ZNF600: variants seen among roughly 807,000 people sequenced by gnomAD.
ZNF600 encodes the protein zinc finger protein 600, also known as zinc finger protein KR-ZNF1.
In ZNF600, 4 loss-of-function variants were observed where a neutral mutation model predicts 7.3. That is an observed-to-expected ratio of 0.55 (90% CI 0.27 to 1.25). ZNF600 has a LOEUF of 1.25. Among genes scored for constraint, ZNF600 ranks in the 50% most tolerant of loss-of-function variants. The probability of loss-of-function intolerance (pLI) is 0.12; values close to 1 mark genes in which losing one functional copy is unlikely to be tolerated. For synonymous variants in ZNF600, 290 were observed against 308.9 expected (o/e 0.94, Z 0.64); for missense variants, 911 against 922.1 (o/e 0.99, Z 0.16).
exon 4 of ZNF600, chr19:52,767,192 T>C (rs760416496): frequency 9.3e-6 from 15 of 1,614,046 alleles, no homozygotes; most frequent in East Asian, 2.2e-5. Flanking sequence ...ATTTATATTG[T>C]TTGTCTCCTA....
At chr19:52,782,933 G>C (rs10419659) in intron 1 of ZNF600, among the ~76,000 whole-genome samples, 4,064 of 110,804 alleles carry the variant, frequency 0.037, 106 homozygotes, top group African/African-American at 0.086. Context: ...CTAATGAAGA[G>C]AGGAACTAGA....
At chr19:52,804,496 A>G in the ZNF600 span, among the ~76,000 whole-genome samples, 1 of 151,508 alleles carries the variant, frequency 6.6e-6, no homozygotes, top group Non-Finnish European at 1.5e-5. Context: ...TCAACCTCCC[A>G]AGTAGCTGGG....
At chr19:52,790,561 C>G (rs946856296), upstream of ZNF600, among the ~76,000 whole-genome samples, 4 of 152,056 alleles carry the variant, frequency 2.6e-5, no homozygotes, top group Non-Finnish European at 5.9e-5. Flanking sequence ...ATCTTTCAAG[C>G]TCTTTGGGAG....
upstream of ZNF600, among the ~76,000 whole-genome samples, chr19:52,788,469 T>C (rs1950690036): frequency 6.6e-6 from 1 of 152,144 alleles, no homozygotes; most frequent in Admixed American, 6.5e-5. Context: ...CACTCCCTCC[T>C]TTCCTGTGAC....
the ZNF600 span, among the ~76,000 whole-genome samples, chr19:52,830,371 C>A: frequency 6.6e-6 from 1 of 152,086 alleles, no homozygotes; most frequent in East Asian, 1.9e-4. Flanking sequence ...ACGTACATGA[C>A]CCCAATTTGC....
the ZNF600 span, chr19:52,801,287 G>A: frequency 3.7e-6 from 6 of 1,614,074 alleles, no homozygotes; most frequent in South Asian, 3.3e-5. Flanking sequence ...TAGAAATATG[G>A]GTTTTGGGCC....
chr19:52,782,596 C>CAGTG (rs2062731886), intron 1 of ZNF600, among the ~76,000 whole-genome samples: 5 of 151,868 alleles, frequency 3.3e-5, no homozygotes, highest in Admixed American at 2.6e-4. Context: ...TAATGAGGCC[C>CAGTG]AGTGTGATGG....
intron 2 of ZNF600, among the ~76,000 whole-genome samples, chr19:52,776,416 C>CT (rs111582666): frequency 0.069 from 10,092 of 146,068 alleles, 1,069 homozygotes; most frequent in African/African-American, 0.23. Flanking sequence ...ATACTTCTTA[C>CT]TTTTTTTTTT....
At chr19:52,792,504 G>A in the ZNF600 span, among the ~76,000 whole-genome samples, 2 of 151,978 alleles carry the variant, frequency 1.3e-5, no homozygotes, top group African/African-American at 4.8e-5. Context: ...AGTGAGCTGA[G>A]ATCGTGCCAC....
intron 2 of ZNF600, among the ~76,000 whole-genome samples, chr19:52,776,719 A>G (rs1195024942): frequency 6.6e-6 from 1 of 152,162 alleles, no homozygotes; most frequent in Non-Finnish European, 1.5e-5. Flanking sequence ...AATAAAACTT[A>G]TTGCAAATGA....
the ZNF600 span, among the ~76,000 whole-genome samples, chr19:52,808,777 C>A: frequency 2.0e-5 from 3 of 152,066 alleles, no homozygotes; most frequent in African/African-American, 7.2e-5. Flanking sequence ...CCCACCAGGG[C>A]ACTCAAGCCT....
chr19:52,811,834 A>C, the ZNF600 span, among the ~76,000 whole-genome samples: 4 of 126,350 alleles, frequency 3.2e-5, no homozygotes, highest in East Asian at 2.7e-4. Context: ...GGCCGCCCCT[A>C]CTGGGAAGTG....
At chr19:52,808,926 T>C in the ZNF600 span, among the ~76,000 whole-genome samples, 2 of 152,322 alleles carry the variant, frequency 1.3e-5, no homozygotes, top group Non-Finnish European at 2.9e-5. Flanking sequence ...TAGATGTGAA[T>C]ACAAAGGGTT....
At chr19:52,817,854 C>T in the ZNF600 span, 5 of 1,592,670 alleles carry the variant, frequency 3.1e-6, no homozygotes, top group African/African-American at 1.3e-5. Flanking sequence ...TCAGGCAGGA[C>T]ACTTCAGACT....
chr19:52,767,651 C>G (rs1489828625), exon 4 of ZNF600: 3 of 1,614,012 alleles, frequency 1.9e-6, no homozygotes, highest in Non-Finnish European at 2.5e-6. Context: ...TCTCAATTTC[C>G]TGGAAGCAAA....
the ZNF600 span, chr19:52,807,800 A>T: frequency 1.1e-6 from 1 of 898,896 alleles, no homozygotes; most frequent in Non-Finnish European, 1.6e-6. Context: ...TGCCTACTTT[A>T]CTTCTGGAAG....
chr19:52,791,940 T>A, the ZNF600 span, among the ~76,000 whole-genome samples: 13 of 152,210 alleles, frequency 8.5e-5, no homozygotes, highest in Non-Finnish European at 1.6e-4. Flanking sequence ...AATGGAGGAC[T>A]CAGAGCTTCG....
At chr19:52,804,535 T>C in the ZNF600 span, among the ~76,000 whole-genome samples, 3 of 152,166 alleles carry the variant, frequency 2.0e-5, no homozygotes, top group African/African-American at 7.2e-5. Context: ...CATACACAGC[T>C]AATTTTTGCA....
upstream of ZNF600, among the ~76,000 whole-genome samples, chr19:52,788,783 T>C (rs1568639083): frequency 6.6e-6 from 1 of 152,230 alleles, no homozygotes; most frequent in Admixed American, 6.5e-5. Flanking sequence ...TGTTCAATGC[T>C]GGAGACAGAT....
Sources: allele counts gnomAD v4.1 joint callset (sites outside exome capture counted in the v4.1 genomes callset), GRCh38; gene constraint gnomAD v4.1.1; transcripts MANE v1.5; gene names NCBI Gene and HGNC (gene_info 2026-07-23, HGNC 2026-07-21).